Variants in RUNX1 observed in about 807,000 individuals in gnomAD.
RUNX1 encodes runt-related transcription factor 1.
A neutral mutation model predicts 42.8 loss-of-function variants in RUNX1; 19 were observed. That is an observed-to-expected ratio of 0.44 (90% CI 0.31 to 0.65). RUNX1 has a LOEUF of 0.65. Among genes scored for constraint, RUNX1 ranks in the 30% least tolerant of loss-of-function variants. RUNX1 has a pLI of 0.07. For missense variants in RUNX1, 528 were observed against 672.0 expected (o/e 0.79, Z 2.37); for synonymous variants, 271 against 289.4 (o/e 0.94, Z 0.64).
chr21:34,968,543 T>G (rs1279280254), intron 2 of RUNX1, among the ~76,000 whole-genome samples: 1 of 152,154 alleles, frequency 6.6e-6, no homozygotes, highest in East Asian at 1.9e-4. Flanking sequence ...GTTGCCTTCT[T>G]ATTCAAGACT....
chr21:34,943,234 G>C (rs2058540684), intron 2 of RUNX1, among the ~76,000 whole-genome samples: 1 of 152,160 alleles, frequency 6.6e-6, no homozygotes, highest in Admixed American at 6.5e-5. Flanking sequence ...TTCACCCTGT[G>C]TGGAAAAATA....
intron 5 of RUNX1, among the ~76,000 whole-genome samples, chr21:34,863,518 C>T (rs2057607042): frequency 6.8e-6 from 1 of 147,172 alleles, no homozygotes; most frequent in African/African-American, 2.5e-5. Flanking sequence ...AATGAATGGT[C>T]ATTATCTGAA....
intron 5 of RUNX1, among the ~76,000 whole-genome samples, chr21:34,862,991 G>A (rs1442247423): frequency 6.6e-6 from 1 of 152,062 alleles, no homozygotes; most frequent in Non-Finnish European, 1.5e-5. Context: ...CATAATACTG[G>A]CATTTTTAAG....
At chr21:34,822,558 G>GT (rs1317737593) in intron 7 of RUNX1, among the ~76,000 whole-genome samples, 2 of 152,182 alleles carry the variant, frequency 1.3e-5, no homozygotes, top group African/African-American at 4.8e-5. Context: ...TACCAGCCTT[G>GT]TTGGACGACC....
intron 2 of RUNX1, among the ~76,000 whole-genome samples, chr21:35,016,491 C>G (rs1180008218): frequency 1.3e-5 from 2 of 152,184 alleles, no homozygotes; most frequent in African/African-American, 4.8e-5. Context: ...AATTGGAGAT[C>G]TGGGTCCTAA....
intron 2 of RUNX1, among the ~76,000 whole-genome samples, chr21:34,930,270 G>GTGTATATATATATATATATATATATA (rs372412304): frequency 8.1e-6 from 1 of 123,034 alleles, no homozygotes; most frequent in African/African-American, 3.8e-5. Context: ...GTGTGTGTAT[G>GTGTATATATATATATATATATATATA]TATATATATA....
chr21:34,855,646 T>C (rs1008803004), intron 6 of RUNX1, among the ~76,000 whole-genome samples: 1 of 152,022 alleles, frequency 6.6e-6, no homozygotes, highest in African/African-American at 2.4e-5. Context: ...GGGGCAGAGG[T>C]TGCAGTGAGC....
In RUNX1 at chr21:34,853,501, T is replaced by C. The variant is rs539828652; in HGVS notation, c.613+5973A>G. ...ACCCTGGCATCGGTGCGTGCCAGCA[T>C]CTGGACGCCTTAGTTTACATGCTGG... is the stretch of plus-strand genomic sequence containing the variant. On this transcript the variant is annotated intron_variant, in intron 6 of 8. Coordinates refer to ENST00000675419, the MANE Select transcript of RUNX1 (RefSeq NM_001754.5). Among the ~76,000 whole-genome samples, 24 of 152,306 alleles carry C rather than the reference T, an allele frequency of 1.6e-4. No individual in the cohort carries two copies. The South Asian group carries it at 5.0e-3, about 32-fold the overall frequency.
At chr21:34,801,566 A>C (rs2056608306) in intron 7 of RUNX1, among the ~76,000 whole-genome samples, 1 of 152,150 alleles carries the variant, frequency 6.6e-6, no homozygotes. Context: ...TTCTGACTTC[A>C]CACCATAACT....
chr21:34,795,252 G>A (rs532787450), intron 8 of RUNX1, among the ~76,000 whole-genome samples: 46 of 152,336 alleles, frequency 3.0e-4, no homozygotes, highest in Admixed American at 8.5e-4. Flanking sequence ...GGATTAATCT[G>A]TTTTTGGAAG....
intron 6 of RUNX1, among the ~76,000 whole-genome samples, chr21:34,839,434 G>GC (rs1201381560): frequency 9.2e-5 from 14 of 152,108 alleles, no homozygotes; most frequent in African/African-American, 3.4e-4. Flanking sequence ...TACACTCAGT[G>GC]CACCTAGAAA....
At position 34,792,058 on chromosome 21, in the gene RUNX1, T is replaced by G; in HGVS notation, c.*77A>C. ...CCAGGGCCCGGGATCCCGGCGGGCT[T>G]GTCGCGAACAGGAGGCCCGCGCGCC... On this transcript the variant is annotated 3_prime_UTR_variant, in exon 9 of 9. Coordinates refer to ENST00000675419, the MANE Select transcript of RUNX1 (RefSeq NM_001754.5). The surrounding 1 kb of genome is among the most constrained non-coding windows in gnomAD (Gnocchi z 6.9). The G allele has an allele frequency of 1.1e-6, 1 of 948,532 alleles. No homozygotes were observed. Among genetic ancestry groups the G allele is most frequent in the African/African-American group, 1.8e-5 (1 of 55,646 alleles). The allele number at this position is 948,532 out of a possible 1,614,324, so 58.8% of individuals were successfully genotyped here.
chr21:34,868,179 G>C (rs996829307), intron 5 of RUNX1, among the ~76,000 whole-genome samples: 2 of 152,144 alleles, frequency 1.3e-5, no homozygotes, highest in East Asian at 3.9e-4. Flanking sequence ...CTTGAGGAGG[G>C]AGCTGACTTC....
At chr21:35,030,713 G>A (rs898405416) in intron 2 of RUNX1, among the ~76,000 whole-genome samples, 1 of 152,136 alleles carries the variant, frequency 6.6e-6, no homozygotes, top group African/African-American at 2.4e-5. Flanking sequence ...AAAAGCAACA[G>A]TAGACAACTA....
At chr21:34,838,389 G>C (rs556373822) in intron 6 of RUNX1, among the ~76,000 whole-genome samples, 38 of 152,284 alleles carry the variant, frequency 2.5e-4, no homozygotes, top group African/African-American at 8.7e-4. Flanking sequence ...TTTCTTGATA[G>C]ATTCTTAGCA....
rs975066676 is a variant in RUNX1, at chr21:34,901,379, G to A, written c.59-8416C>T. 4.6e-5 allele frequency among the ~76,000 whole-genome samples: 7 copies of A among 152,210 alleles called. No homozygotes were observed. Among genetic ancestry groups the A allele is most frequent in the African/African-American group, 1.7e-4 (7 of 41,536 alleles). On this transcript the variant is annotated intron_variant, in intron 2 of 8. Coordinates refer to ENST00000675419, the MANE Select transcript of RUNX1 (RefSeq NM_001754.5). The surrounding 1 kb of genome is among the most constrained non-coding windows in gnomAD (Gnocchi z 4.3). The stretch of plus-strand genomic sequence containing the variant: ...AAAAAAAGTAGCTGGGCGTGGTGGC[G>A]GCGCGTGCCTGTAGTCCCAGCTACT...
intron 2 of RUNX1, among the ~76,000 whole-genome samples, chr21:35,000,533 C>A (rs2059034154): frequency 6.6e-6 from 1 of 152,152 alleles, no homozygotes; most frequent in Non-Finnish European, 1.5e-5. Context: ...AGCCACCGCA[C>A]CCAGCCTCAT....
intron 3 of RUNX1, chr21:34,887,754 G>T: frequency 1.9e-6 from 2 of 1,061,378 alleles, no homozygotes; most frequent in Non-Finnish European, 2.3e-6. Flanking sequence ...AATCTGTGGA[G>T]AATTTAAACA....
intron 2 of RUNX1, among the ~76,000 whole-genome samples, chr21:34,908,107 C>T (rs1028285812): frequency 5.3e-5 from 8 of 152,180 alleles, no homozygotes; most frequent in Non-Finnish European, 1.0e-4. Context: ...ATTTACAACT[C>T]ATGCAAAGCT....
Sources: gnomAD v4.1 joint callset for allele counts (sites outside exome capture counted in the v4.1 genomes callset) on GRCh38, gnomAD v4.1.1 for gene constraint, Gnocchi (gnomAD v3.1) non-coding constraint, MANE v1.5 for transcripts, NCBI Gene and HGNC (gene_info 2026-07-23, HGNC 2026-07-21) for gene names.